MYT1L: variants seen among roughly 807,000 people sequenced by gnomAD.
MYT1L encodes myelin transcription factor 1-like protein.
A neutral mutation model predicts 126.7 loss-of-function variants in MYT1L; 12 were observed. That is an observed-to-expected ratio of 0.09 (90% CI 0.06 to 0.15). The LOEUF (loss-of-function observed/expected upper bound fraction) is 0.15. Among genes scored for constraint, MYT1L ranks in the 10% least tolerant of loss-of-function variants. The pLI is 1.00. For missense variants in MYT1L, 979 were observed against 1,585.2 expected (o/e 0.62, Z 6.49); for synonymous variants, 541 against 604.2 (o/e 0.90, Z 1.53).
At chr2:2,119,154 T>C (rs144278622) in intron 3 of MYT1L, among the ~76,000 whole-genome samples, 71 of 152,360 alleles carry the variant, frequency 4.7e-4, no homozygotes, top group Non-Finnish European at 9.4e-4. Flanking sequence ...TCACGTACAT[T>C]TTTCAAAGGT....
chr2:1,937,752 G>GAGA (rs1558465181), intron 9 of MYT1L, among the ~76,000 whole-genome samples: 1 of 151,862 alleles, frequency 6.6e-6, no homozygotes, highest in Non-Finnish European at 1.5e-5. Flanking sequence ...ATGGCAAGTC[G>GAGA]AGAAGGCCCT....
chr2:1,807,954 C>A (rs1449710866), intron 22 of MYT1L, among the ~76,000 whole-genome samples: 3 of 152,136 alleles, frequency 2.0e-5, no homozygotes, highest in Non-Finnish European at 2.9e-5. Context: ...CCATGCTGTT[C>A]CTGATACTGA....
chr2:2,173,824 C>T (rs2090391156), intron 2 of MYT1L, among the ~76,000 whole-genome samples: 1 of 152,128 alleles, frequency 6.6e-6, no homozygotes, highest in East Asian at 1.9e-4. Context: ...AACGAAGAGA[C>T]CCTGAGGGGC....
At chr2:1,821,855 C>T (rs1446237350) in intron 21 of MYT1L, among the ~76,000 whole-genome samples, 1 of 152,228 alleles carries the variant, frequency 6.6e-6, no homozygotes, top group Non-Finnish European at 1.5e-5. Context: ...TTCCCATCTT[C>T]AGTACAACGG....
At chr2:2,269,372 G>C (rs2095213330) in intron 2 of MYT1L, among the ~76,000 whole-genome samples, 1 of 152,180 alleles carries the variant, frequency 6.6e-6, no homozygotes, top group African/African-American at 2.4e-5. Flanking sequence ...CACATTCTGA[G>C]CAGCACCGCA....
chr2:2,317,947 G>T (rs2096094913), intron 1 of MYT1L, among the ~76,000 whole-genome samples: 2 of 152,190 alleles, frequency 1.3e-5, no homozygotes. Flanking sequence ...CAAGCCACAT[G>T]CTCCCCAGTC....
chr2:2,328,614 T>C (rs1262374071), intron 1 of MYT1L, among the ~76,000 whole-genome samples: 2 of 152,196 alleles, frequency 1.3e-5, no homozygotes, highest in Non-Finnish European at 2.9e-5. Context: ...AGTTGAAATT[T>C]GTGTGTCATG....
chr2:1,839,505 A>G, intron 20 of MYT1L, 135 bp from the exon 21 acceptor site: 1 of 753,638 alleles, frequency 1.3e-6, no homozygotes. Flanking sequence ...AAGGAAAAGA[A>G]AAAAGAGAAA....
chr2:2,322,733 C>T (rs917571180), intron 1 of MYT1L, among the ~76,000 whole-genome samples: 2 of 152,002 alleles, frequency 1.3e-5, no homozygotes, highest in Non-Finnish European at 1.5e-5. Flanking sequence ...ATATTTTGCC[C>T]CAAGAAAGTT....
intron 21 of MYT1L, among the ~76,000 whole-genome samples, chr2:1,838,932 G>A (rs1422866533): frequency 1.3e-5 from 2 of 152,232 alleles, no homozygotes; most frequent in East Asian, 3.9e-4. Context: ...CTATAGATGG[G>A]GCTGAGGGAG....
Position 2,059,608 on chromosome 2 carries a change from G to A in MYT1L, c.-303-5485C>T, listed in dbSNP as rs1043209207. Among the ~76,000 whole-genome samples the A allele has an allele frequency of 2.0e-5, 3 of 152,138 alleles. No homozygotes were observed. Among genetic ancestry groups the A allele is most frequent in the Admixed American group, 6.5e-5 (1 of 15,272 alleles). Reference sequence around the variant, plus strand: ...ACAAACGGACGCAGGACTGCAGTTCGGCAGGGGGCACACAATGCATGGGTG... The same window carrying A: ...ACAAACGGACGCAGGACTGCAGTTCAGCAGGGGGCACACAATGCATGGGTG... On this transcript the variant is annotated intron_variant, in intron 3 of 24. Coordinates refer to ENST00000647738, the MANE Select transcript of MYT1L (RefSeq NM_001303052.2). The surrounding 1 kb of genome is among the most constrained non-coding windows in gnomAD (Gnocchi z 4.7).
At chr2:2,152,345 TA>T (rs2085945631) in intron 3 of MYT1L, among the ~76,000 whole-genome samples, 2 of 152,226 alleles carry the variant, frequency 1.3e-5, no homozygotes, top group South Asian at 4.1e-4. Flanking sequence ...GAGTGCAATT[TA>T]AAACTTATGA....
At chr2:2,134,081 G>A (rs543711931) in intron 3 of MYT1L, among the ~76,000 whole-genome samples, 16 of 152,194 alleles carry the variant, frequency 1.1e-4, no homozygotes, top group South Asian at 2.1e-4. Flanking sequence ...ACAATTCAAC[G>A]TTTCCAAAAC....
At position 1,922,299 on chromosome 2, in the gene MYT1L, T is replaced by C; in HGVS notation, c.1470A>G (p.Pro490=). 4 of 1,613,832 alleles carry C rather than the reference T, an allele frequency of 2.5e-6. No individual in the cohort carries two copies. In the African/African-American group the frequency reaches 4.0e-5, roughly 16 times the overall value. Residue 490 remains proline (P), a synonymous_variant, in exon 10 of 25, where the codon CCA becomes CCG. Transcript: ENST00000647738. This position sits in a 1 kb window ranked among gnomAD's most constrained non-coding sequence, Gnocchi z 7.4. ...TAGAAATATTACCTTTACCATAGTA[T>C]GGCTTTTTGACATGGCTGTCACTGG... is the stretch of plus-strand genomic sequence containing the variant. ...PKSSDSHVKK[P]YYGKDPSRTE...
chr2:1,845,886 T>C (rs1300292363), intron 19 of MYT1L, among the ~76,000 whole-genome samples: 1 of 152,240 alleles, frequency 6.6e-6, no homozygotes, highest in Non-Finnish European at 1.5e-5. Context: ...TCTGTAATAC[T>C]GGTCCTTTGC....
chr2:2,312,739 C>G (rs985634884), intron 1 of MYT1L, among the ~76,000 whole-genome samples: 2 of 152,130 alleles, frequency 1.3e-5, no homozygotes, highest in African/African-American at 2.4e-5. Flanking sequence ...GAGACAAAGT[C>G]GGCATTAGGC....
chr2:1,990,955 G>A (rs920132405), intron 5 of MYT1L, among the ~76,000 whole-genome samples: 8 of 152,212 alleles, frequency 5.3e-5, no homozygotes, highest in Admixed American at 1.3e-4. Flanking sequence ...TCCTCCTGCC[G>A]TGCCAGCTTC....
rs531689370 is a variant in MYT1L, at chr2:2,138,901, G to A, written c.-304+33971C>T. ...CTCCGAAAGCCTGGTGTGGTTTCCC[G>A]CCTGGGCCGCAGTAAAGGCACACTG... is the stretch of plus-strand genomic sequence containing the variant. On this transcript the variant is annotated intron_variant, in intron 3 of 24. Coordinates refer to ENST00000647738, the MANE Select transcript of MYT1L (RefSeq NM_001303052.2). Among the ~76,000 whole-genome samples the A allele has an allele frequency of 1.8e-3, 263 of 150,056 alleles. 1 individual carries two copies. The highest frequency in any genetic ancestry group is 1.7e-4 in the African/African-American group (7 of 40,796).
intron 3 of MYT1L, among the ~76,000 whole-genome samples, chr2:2,087,730 G>T (rs996991683): frequency 6.6e-6 from 1 of 152,188 alleles, no homozygotes; most frequent in African/African-American, 2.4e-5. Flanking sequence ...TCATTGACAA[G>T]GGACTAACCC....
Sources: allele counts gnomAD v4.1 joint callset (sites outside exome capture counted in the v4.1 genomes callset), GRCh38; gene constraint gnomAD v4.1.1; non-coding constraint Gnocchi (gnomAD v3.1); transcripts MANE v1.5; gene names NCBI Gene and HGNC (gene_info 2026-07-23, HGNC 2026-07-21).